Variants in AGBL4 observed in about 807,000 individuals in gnomAD.
AGBL4 encodes the protein cytosolic carboxypeptidase 6.
Under a neutral mutation model 66.4 loss-of-function variants are expected in AGBL4, and 58 were observed. The ratio of observed to expected loss-of-function variants is 0.87; its 90% CI spans 0.71 to 1.09. The LOEUF is 1.09. Ranked by LOEUF, AGBL4 falls within the 50% of genes least tolerant of loss-of-function variation. The pLI is 0.00. For synonymous variants in AGBL4, 234 were observed against 222.9 expected (o/e 1.05, Z -0.44); for missense variants, 579 against 631.0 (o/e 0.92, Z 0.88).
intron 3 of AGBL4, among the ~76,000 whole-genome samples, chr1:49,372,606 T>C (rs551925825): frequency 7.1e-6 from 1 of 140,256 alleles, no homozygotes; most frequent in South Asian, 2.3e-4. Flanking sequence ...TTTCTTTTTC[T>C]TTTTCTTTCT....
intron 4 of AGBL4, among the ~76,000 whole-genome samples, chr1:49,152,574 C>T (rs1023476552): frequency 6.6e-6 from 1 of 152,198 alleles, no homozygotes. Flanking sequence ...CCTAGGGATT[C>T]TTCCCATACA....
At chr1:49,714,232 C>G (rs778912373) in intron 2 of AGBL4, among the ~76,000 whole-genome samples, 1 of 151,800 alleles carries the variant, frequency 6.6e-6, no homozygotes, top group Non-Finnish European at 1.5e-5. Context: ...TTTTAGGGTG[C>G]AAGAGCAGTT....
intron 2 of AGBL4, chr1:49,845,988 A>G: frequency 6.3e-7 from 1 of 1,585,364 alleles, no homozygotes; most frequent in Non-Finnish European, 8.7e-7. Flanking sequence ...AACCACACTG[A>G]GGAGAAGCCC....
At chr1:48,660,125 C>T (rs940899187) in intron 7 of AGBL4, among the ~76,000 whole-genome samples, 3 of 152,192 alleles carry the variant, frequency 2.0e-5, no homozygotes, top group Non-Finnish European at 4.4e-5. Flanking sequence ...CACTGGAGAA[C>T]AGGATAGTTT....
chr1:49,194,670 C>T (rs994896343), intron 4 of AGBL4, among the ~76,000 whole-genome samples: 3 of 151,948 alleles, frequency 2.0e-5, no homozygotes, highest in Non-Finnish European at 4.4e-5. Context: ...GATTATAGCT[C>T]CCCACAGCCA....
At chr1:49,954,082 A>G (rs969671485) in intron 1 of AGBL4, among the ~76,000 whole-genome samples, 1 of 151,688 alleles carries the variant, frequency 6.6e-6, no homozygotes, top group Non-Finnish European at 1.5e-5. Flanking sequence ...TTTGGTAGAC[A>G]CAAGATCTCA....
At chr1:49,045,505 G>T in intron 5 of AGBL4, 79 bp downstream of exon 5, 3 of 1,239,534 alleles carry the variant, frequency 2.4e-6, no homozygotes, top group Non-Finnish European at 2.3e-6. Flanking sequence ...TATTTGCATT[G>T]CATAAAAACC....
chr1:49,931,063 A>C (rs72686775), intron 1 of AGBL4, among the ~76,000 whole-genome samples: 14,045 of 152,238 alleles, frequency 0.092, 856 homozygotes, highest in African/African-American at 0.16. Flanking sequence ...ACAAGATTGC[A>C]GGATACAATG....
At chr1:49,068,047 T>C (rs1644524377) in intron 4 of AGBL4, among the ~76,000 whole-genome samples, 1 of 152,100 alleles carries the variant, frequency 6.6e-6, no homozygotes, top group Admixed American at 6.6e-5. Flanking sequence ...ACGTTCCTGG[T>C]ACAATGTGTG....
intron 12 of AGBL4, among the ~76,000 whole-genome samples, chr1:48,539,217 C>A (rs1017114305): frequency 6.6e-6 from 1 of 152,188 alleles, no homozygotes; most frequent in African/African-American, 2.4e-5. Flanking sequence ...TGCTTTAACA[C>A]ATATCTCATA....
At chr1:49,973,634 A>C (rs913572379) in intron 1 of AGBL4, among the ~76,000 whole-genome samples, 33 of 148,348 alleles carry the variant, frequency 2.2e-4, no homozygotes, top group African/African-American at 7.3e-4. Context: ...CATATATATT[A>C]TATATATCAT....
intron 6 of AGBL4, among the ~76,000 whole-genome samples, chr1:48,738,696 T>C (rs775294157): frequency 6.6e-6 from 1 of 152,190 alleles, no homozygotes; most frequent in Non-Finnish European, 1.5e-5. Flanking sequence ...TCTGCTTTTT[T>C]CCCCCACCAC....
At chr1:49,271,132 C>CT (rs940890639) in intron 3 of AGBL4, among the ~76,000 whole-genome samples, 4 of 152,094 alleles carry the variant, frequency 2.6e-5, no homozygotes, top group African/African-American at 9.7e-5. Context: ...ATTTATGTAA[C>CT]TTTTTATTTT....
chr1:48,751,876 T>C (rs1192448110), intron 6 of AGBL4, among the ~76,000 whole-genome samples: 2 of 152,180 alleles, frequency 1.3e-5, no homozygotes, highest in African/African-American at 4.8e-5. Context: ...GGTCCTGAAT[T>C]GTTCGGCCAC....
intron 3 of AGBL4, among the ~76,000 whole-genome samples, chr1:49,620,859 C>T (rs1645346212): frequency 6.6e-6 from 1 of 151,770 alleles, no homozygotes. Context: ...GTAACCAAAT[C>T]AACCTTTTTT....
intron 4 of AGBL4, among the ~76,000 whole-genome samples, chr1:49,184,112 G>A (rs187411032): frequency 2.6e-5 from 4 of 152,160 alleles, no homozygotes; most frequent in Admixed American, 2.0e-4. Flanking sequence ...CATTTACAAG[G>A]TGCCAGATGT....
chr1:48,663,445 G>C (rs1646139036), intron 6 of AGBL4, among the ~76,000 whole-genome samples: 1 of 152,144 alleles, frequency 6.6e-6, no homozygotes, highest in Non-Finnish European at 1.5e-5. Context: ...ATTCCCTTTT[G>C]TTGGTACAAC....
intron 4 of AGBL4, among the ~76,000 whole-genome samples, chr1:49,211,406 G>C (rs1051833786): frequency 6.6e-6 from 1 of 152,082 alleles, no homozygotes; most frequent in Non-Finnish European, 1.5e-5. Flanking sequence ...CACTAGTTTT[G>C]TCAACAGGAT....
At chr1:49,714,908 T>C (rs1647973321) in intron 2 of AGBL4, among the ~76,000 whole-genome samples, 1 of 152,016 alleles carries the variant, frequency 6.6e-6, no homozygotes, top group Non-Finnish European at 1.5e-5. Flanking sequence ...GTATAACCAT[T>C]CTCTTTTCTA....
Sources: allele counts gnomAD v4.1 joint callset (sites outside exome capture counted in the v4.1 genomes callset), GRCh38; gene constraint gnomAD v4.1.1; transcripts MANE v1.5; gene names NCBI Gene and HGNC (gene_info 2026-07-23, HGNC 2026-07-21).